The following NEGR1 variants were observed in gnomAD, a reference collection of about 807,000 sequenced individuals.
NEGR1 encodes IgLON family member 4.
A neutral mutation model predicts 40.9 loss-of-function variants in NEGR1; 10 were observed. The ratio of observed to expected loss-of-function variants is 0.24; its 90% CI spans 0.15 to 0.42. The LOEUF is 0.42. Among genes scored for constraint, NEGR1 ranks in the 10% least tolerant of loss-of-function variants. The probability of loss-of-function intolerance (pLI) is 1.00; values close to 1 mark genes in which losing one functional copy is unlikely to be tolerated. For missense variants in NEGR1, 352 were observed against 438.9 expected (o/e 0.80, Z 1.77); for synonymous variants, 185 against 166.8 (o/e 1.11, Z -0.84).
chr1:71,456,027 C>A (rs898857439), intron 6 of NEGR1, among the ~76,000 whole-genome samples: 5 of 152,150 alleles, frequency 3.3e-5, no homozygotes, highest in African/African-American at 1.2e-4. Context: ...GTAATTATTT[C>A]TAAATATATG....
At position 71,944,592 on chromosome 1, in the gene NEGR1, C is replaced by T. The variant is rs574697016; in HGVS notation, c.177-9281G>A. On this transcript the variant is annotated intron_variant, in intron 1 of 6. Coordinates refer to ENST00000357731, the MANE Select transcript of NEGR1 (RefSeq NM_173808.3). The stretch of plus-strand genomic sequence containing the variant: ...AAGAAACATAACACGGATGGATATA[C>T]GGAAAGGTTCTAAATTCATGTTTTG... Among the ~76,000 whole-genome samples the T allele has an allele frequency of 1.3e-3, 198 of 152,118 alleles. 1 individual carries two copies. The highest frequency in any genetic ancestry group is 4.3e-3 in the African/African-American group (180 of 41,518).
chr1:72,005,001 T>C (rs1264110971), intron 1 of NEGR1, among the ~76,000 whole-genome samples: 1 of 152,170 alleles, frequency 6.6e-6, no homozygotes, highest in East Asian at 1.9e-4. Flanking sequence ...TTATGGGTGA[T>C]TAGGTATAAC....
At chr1:71,835,935 CAT>C (rs748002951) in intron 2 of NEGR1, among the ~76,000 whole-genome samples, 10 of 152,076 alleles carry the variant, frequency 6.6e-5, no homozygotes, top group African/African-American at 9.6e-5. Flanking sequence ...TGTGTGTGCA[CAT>C]ATGTGTCTTT....
In NEGR1 at chr1:72,264,546, T is replaced by C. The variant is rs890166979; in HGVS notation, c.176+17773A>G. Among the ~76,000 whole-genome samples the C allele has an allele frequency of 3.8e-5, 5 of 130,292 alleles. No homozygotes were observed. The East Asian group carries it at 1.0e-3, about 26-fold the overall frequency. The allele number at this position is 130,292 out of a possible 152,430, so 85.5% of individuals were successfully genotyped here. The stretch of plus-strand genomic sequence containing the variant: ...AGAAATTAGTCACTATAAATGATTA[T>C]ATTTTGAACAATAAAGTCATATTTC... On this transcript the variant is annotated intron_variant, in intron 1 of 6. Coordinates refer to ENST00000357731, the MANE Select transcript of NEGR1 (RefSeq NM_173808.3).
intron 2 of NEGR1, among the ~76,000 whole-genome samples, chr1:71,928,067 CACATATGTACAT>C (rs1326510847): frequency 2.1e-5 from 2 of 94,326 alleles, no homozygotes; most frequent in African/African-American, 3.9e-5. Flanking sequence ...TATACACACA[CACATATGTACAT>C]ATATGTATAT....
chr1:71,764,408 A>T (rs1656049634), intron 3 of NEGR1, among the ~76,000 whole-genome samples: 1 of 152,196 alleles, frequency 6.6e-6, no homozygotes, highest in South Asian at 2.1e-4. Context: ...TTTAATAGAC[A>T]TTCTCTCTTT....
chr1:71,586,143 G>C (rs1649299976), intron 6 of NEGR1, among the ~76,000 whole-genome samples: 1 of 152,112 alleles, frequency 6.6e-6, no homozygotes. Context: ...AGCTTTTGGT[G>C]TTCCACCTGT....
chr1:71,447,792 C>T (rs1273388881), intron 6 of NEGR1, among the ~76,000 whole-genome samples: 5 of 152,128 alleles, frequency 3.3e-5, no homozygotes, highest in East Asian at 3.8e-4. Flanking sequence ...ATGAGCTTAA[C>T]CAATTGCCTA....
At chr1:71,952,957 GAAA>G (rs3061534) in intron 1 of NEGR1, among the ~76,000 whole-genome samples, 1 of 123,832 alleles carries the variant, frequency 8.1e-6, no homozygotes, top group Admixed American at 8.4e-5. Flanking sequence ...TACTGCTCAG[GAAA>G]AAAAAAAAAA....
chr1:71,940,803 G>A (rs1297982900), intron 1 of NEGR1, among the ~76,000 whole-genome samples: 1 of 152,098 alleles, frequency 6.6e-6, no homozygotes, highest in Non-Finnish European at 1.5e-5. Context: ...AGCATATTTA[G>A]GGTATTTGTT....
At chr1:72,004,295 A>G (rs993277422) in intron 1 of NEGR1, among the ~76,000 whole-genome samples, 9 of 152,146 alleles carry the variant, frequency 5.9e-5, no homozygotes, top group Non-Finnish European at 1.0e-4. Context: ...TCTGGAAAGC[A>G]ATAAATAAAA....
At chr1:71,988,431 T>C (rs111824133) in intron 1 of NEGR1, among the ~76,000 whole-genome samples, 355 of 148,998 alleles carry the variant, frequency 2.4e-3, no homozygotes, top group South Asian at 8.9e-3. Flanking sequence ...CCCAGCTACT[T>C]GGGAGGCTGA....
At chr1:71,683,577 C>A (rs989563115) in intron 4 of NEGR1, among the ~76,000 whole-genome samples, 7 of 151,896 alleles carry the variant, frequency 4.6e-5, no homozygotes, top group African/African-American at 1.7e-4. Context: ...GAAAAATCTC[C>A]CTCAGGTTTA....
intron 6 of NEGR1, among the ~76,000 whole-genome samples, chr1:71,436,938 A>G (rs1262273252): frequency 6.6e-6 from 1 of 152,170 alleles, no homozygotes; most frequent in Non-Finnish European, 1.5e-5. Flanking sequence ...GGCTATTAGT[A>G]GTTAAGTTTT....
intron 1 of NEGR1, among the ~76,000 whole-genome samples, chr1:71,947,787 A>AT (rs112511989): frequency 0.021 from 3,220 of 151,564 alleles, 72 homozygotes; most frequent in East Asian, 0.095. Flanking sequence ...AAAAAAAAAA[A>AT]ATATGGAAAT....
intron 6 of NEGR1, among the ~76,000 whole-genome samples, chr1:71,565,252 G>A (rs1648582335): frequency 6.6e-6 from 1 of 152,056 alleles, no homozygotes; most frequent in Non-Finnish European, 1.5e-5. Flanking sequence ...TTAATCCTTG[G>A]CTTGGGGTTA....
At chr1:71,991,648 T>A (rs575441091) in intron 1 of NEGR1, among the ~76,000 whole-genome samples, 3 of 151,682 alleles carry the variant, frequency 2.0e-5, no homozygotes, top group African/African-American at 4.8e-5. Context: ...CTAACTGATA[T>A]CTGCTTACCT....
At chr1:71,636,153 C>T (rs1266082052) in intron 4 of NEGR1, among the ~76,000 whole-genome samples, 2 of 151,980 alleles carry the variant, frequency 1.3e-5, no homozygotes, top group Admixed American at 6.6e-5. Context: ...AATAACTAAA[C>T]ATTTTGTTAA....
chr1:71,878,783 G>A (rs1415005451), intron 2 of NEGR1, among the ~76,000 whole-genome samples: 5 of 152,038 alleles, frequency 3.3e-5, no homozygotes, highest in African/African-American at 1.2e-4. Flanking sequence ...CTAGTGTGGG[G>A]ACAATAAAAA....
Sources: gnomAD v4.1 joint callset for allele counts (sites outside exome capture counted in the v4.1 genomes callset) on GRCh38, gnomAD v4.1.1 for gene constraint, MANE v1.5 for transcripts, NCBI Gene and HGNC (gene_info 2026-07-23, HGNC 2026-07-21) for gene names.